The following NUDCD3 variants were observed in gnomAD, a reference collection of about 807,000 sequenced individuals.
The protein encoded by NUDCD3 is NudC domain containing 3.
In NUDCD3, 13 loss-of-function variants were observed where a neutral mutation model predicts 39.7. The ratio of observed to expected loss-of-function variants is 0.33; its 90% confidence interval spans 0.21 to 0.52. The LOEUF (loss-of-function observed/expected upper bound fraction) is 0.52, where lower values mean the gene tolerates loss of function less well. NUDCD3 is among the 20% of genes least tolerant of loss of function. NUDCD3 has a pLI of 0.96. For missense variants in NUDCD3, 453 were observed against 458.1 expected (o/e 0.99, Z 0.10); for synonymous variants, 175 against 172.4 (o/e 1.02, Z -0.12).
intron 2 of NUDCD3, among the ~76,000 whole-genome samples, chr7:44,454,034 C>A (rs1229625489): frequency 6.6e-6 from 1 of 151,308 alleles, no homozygotes; most frequent in Admixed American, 6.6e-5. Flanking sequence ...CAGAGCAAGG[C>A]CTTGTTTCAA....
intron 2 of NUDCD3, among the ~76,000 whole-genome samples, chr7:44,443,394 C>CT (rs1001280545): frequency 7.9e-5 from 12 of 151,596 alleles, no homozygotes; most frequent in East Asian, 3.9e-4. Flanking sequence ...TACAAGAAAT[C>CT]TTTTTTTTTC....
In NUDCD3 at chr7:44,423,920, G is replaced by A. The variant is rs148027119; in HGVS notation, c.642+3651C>T. Among the ~76,000 whole-genome samples, 271 of 152,038 alleles carry A rather than the reference G, an allele frequency of 1.8e-3. 1 individual carries two copies. The highest frequency in any genetic ancestry group is 2.4e-3 in the Non-Finnish European group (165 of 67,958). On this transcript the variant is annotated intron_variant, in intron 3 of 5. Coordinates refer to ENST00000355451, the MANE Select transcript of NUDCD3 (RefSeq NM_015332.4). ...ACTACAAGGCTACAATAACCAAAAC[G>A]GCATAGTACCGGTACCAAAAGAGAT...
intron 3 of NUDCD3, among the ~76,000 whole-genome samples, chr7:44,407,959 T>A (rs574078644): frequency 6.6e-6 from 1 of 152,138 alleles, no homozygotes; most frequent in East Asian, 1.9e-4. Flanking sequence ...GCCTCCAGAT[T>A]GAAAAGTCCC....
intron 2 of NUDCD3, among the ~76,000 whole-genome samples, chr7:44,469,827 A>T (rs1006467778): frequency 2.6e-5 from 4 of 151,316 alleles, no homozygotes; most frequent in African/African-American, 7.3e-5. Flanking sequence ...CATTCCACGA[A>T]AAAAAAAAAT....
chr7:44,394,593 C>T (rs937667993), intron 4 of NUDCD3, among the ~76,000 whole-genome samples: 14 of 152,242 alleles, frequency 9.2e-5, no homozygotes, highest in Non-Finnish European at 1.8e-4. Context: ...ATCCATGTAA[C>T]TTATTTTATT....
intron 3 of NUDCD3, chr7:44,426,101 C>A (rs1041931726): frequency 1.0e-6 from 1 of 985,056 alleles, no homozygotes; most frequent in African/African-American, 1.7e-5. Flanking sequence ...GACCTGGGTT[C>A]TTTGCTTTGC....
intron 2 of NUDCD3, among the ~76,000 whole-genome samples, chr7:44,441,157 A>G (rs1799576689): frequency 6.6e-6 from 1 of 152,138 alleles, no homozygotes; most frequent in Non-Finnish European, 1.5e-5. Context: ...GAAGGTTGTT[A>G]TTTACTGCTC....
chr7:44,449,548 T>C (rs563298606), intron 2 of NUDCD3, among the ~76,000 whole-genome samples: 106 of 152,252 alleles, frequency 7.0e-4, no homozygotes, highest in African/African-American at 2.3e-3. Flanking sequence ...GAGAAGATTA[T>C]TGGATACAGG....
chr7:44,401,025 C>T (rs1049474496), intron 4 of NUDCD3, among the ~76,000 whole-genome samples: 1 of 152,204 alleles, frequency 6.6e-6, no homozygotes, highest in African/African-American at 2.4e-5. Flanking sequence ...AACCAACAAA[C>T]ATTGGAGATC....
rs750135734 is a variant in NUDCD3, at chr7:44,392,336, G to A, written c.936C>T (p.Tyr312=). ...QAVLDRLTFD[Y]HQKLQGKPQS... is the part of the protein sequence containing the mutation. ...GTGGCTTGCCCTGCAGCTTCTGGTG[G>A]TAGTCAAAGGTAAGCCTGTCCAACA... Residue 312 remains tyrosine, a synonymous_variant, in exon 5 of 6, where the codon TAC becomes TAT. Coordinates refer to ENST00000355451, the MANE Select transcript of NUDCD3 (RefSeq NM_015332.4). 6 of 1,614,066 alleles carry A rather than the reference G, an allele frequency of 3.7e-6. No individual in the cohort carries two copies. Among genetic ancestry groups the A allele is most frequent in the Non-Finnish European group, 5.1e-6 (6 of 1,180,028 alleles).
At chr7:44,486,377 A>C (rs547264260) in intron 1 of NUDCD3, among the ~76,000 whole-genome samples, 5 of 152,254 alleles carry the variant, frequency 3.3e-5, no homozygotes, top group Non-Finnish European at 7.3e-5. Context: ...ACTGTGAAGA[A>C]GACAGCATCA....
At chr7:44,431,521 C>T (rs1799362522) in intron 2 of NUDCD3, among the ~76,000 whole-genome samples, 1 of 152,066 alleles carries the variant, frequency 6.6e-6, no homozygotes, top group South Asian at 2.1e-4. Flanking sequence ...GCAGCACTGC[C>T]ACCAGGAGTC....
intron 2 of NUDCD3, among the ~76,000 whole-genome samples, chr7:44,456,025 CAAAAAAAAAAAAAAAAA>C (rs1233592095): frequency 3.5e-5 from 1 of 28,498 alleles, no homozygotes; most frequent in African/African-American, 1.5e-4. Flanking sequence ...GACTCCGTCT[CAAAAAAAAAAAAAAAAA>C]AAAAAAAACA....
intron 3 of NUDCD3, among the ~76,000 whole-genome samples, chr7:44,412,723 C>T (rs1159519379): frequency 2.0e-5 from 3 of 151,880 alleles, no homozygotes; most frequent in South Asian, 2.1e-4. Flanking sequence ...GTCAGGAGAT[C>T]GAGGCCATCC....
chr7:44,450,584 G>A (rs1032700723), intron 2 of NUDCD3, among the ~76,000 whole-genome samples: 1 of 151,906 alleles, frequency 6.6e-6, no homozygotes, highest in African/African-American at 2.4e-5. Flanking sequence ...TTGAGCCCAG[G>A]AGTTTGAGAC....
chr7:44,380,619 CCA>C lies in NUDCD3; in HGVS notation c.*5390_*5391del, dbSNP rs1248270220. The stretch of plus-strand genomic sequence containing the variant: ...TAGGCACACCTGGTAAATGAGGTCT[CCA>C]CACACTGGGTCATTAGTACCCACAA... On this transcript the variant is annotated 3_prime_UTR_variant, in exon 6 of 6. Transcript: ENST00000355451. The C allele has an allele frequency of 6.6e-6, 1 of 152,254 alleles. No homozygotes were observed. The highest frequency in any genetic ancestry group is 1.5e-5 in the Non-Finnish European group (1 of 68,084). 9.4% of individuals were successfully genotyped at this position (152,254 alleles called of 1,614,324 possible).
intron 4 of NUDCD3, among the ~76,000 whole-genome samples, chr7:44,393,170 G>A (rs1313702538): frequency 6.6e-6 from 1 of 152,086 alleles, no homozygotes; most frequent in Non-Finnish European, 1.5e-5. Context: ...GTTCTCTGAT[G>A]GCTTGGGAAG....
At chr7:44,402,266 G>A (rs900216719) in intron 4 of NUDCD3, among the ~76,000 whole-genome samples, 17 of 152,206 alleles carry the variant, frequency 1.1e-4, no homozygotes, top group African/African-American at 3.9e-4. Flanking sequence ...AAAGAGCCTG[G>A]CCCAAAGACT....
At chr7:44,478,427 C>T (rs1037885485) in intron 2 of NUDCD3, among the ~76,000 whole-genome samples, 11 of 152,184 alleles carry the variant, frequency 7.2e-5, no homozygotes, top group African/African-American at 2.4e-4. Flanking sequence ...GTGGCAGGCA[C>T]CTGCACTCCC....
Sources: gnomAD v4.1 joint callset for allele counts (sites outside exome capture counted in the v4.1 genomes callset) on GRCh38, gnomAD v4.1.1 for gene constraint, MANE v1.5 for transcripts, NCBI Gene and HGNC (gene_info 2026-07-23, HGNC 2026-07-21) for gene names.